Variants in TBC1D30 observed in about 807,000 individuals in gnomAD.
TBC1D30 encodes the protein TBC1 domain family member 30.
TBC1D30 carries 31 observed loss-of-function variants against 63.2 expected under a neutral mutation model. The observed-to-expected ratio is 0.49, with a 90% CI of 0.37 to 0.66. The LOEUF is 0.66. Among genes scored for constraint, TBC1D30 ranks in the 30% least tolerant of loss-of-function variants. TBC1D30 has a pLI of 0.00. For missense variants in TBC1D30, 810 were observed against 953.6 expected, an observed-to-expected ratio of 0.85 and a Z score of 1.98; for synonymous variants, 307 against 361.5, an observed-to-expected ratio of 0.85 and a Z score of 1.71.
chr12:64,780,975 G>C lies in TBC1D30; in HGVS notation c.167G>C (p.Arg56Pro), dbSNP rs566969663. Residue 56 changes from arginine to proline, a missense_variant, in exon 1 of 13, where the codon CGG (arginine) becomes CCG (proline). Physicochemically the swap from Arg to Pro is moderately radical, Grantham distance 103. Coordinates refer to the TBC1D30 transcript ENST00000542120. ...GCGGCGGAGCGGCCGCGGCGCTCCCGGGACACGTGGGACGGCGATGAGGAC... is the reference window on the plus strand; with the variant it reads ...GCGGCGGAGCGGCCGCGGCGCTCCCCGGACACGTGGGACGGCGATGAGGAC... 159 of 1,053,380 alleles carry C rather than the reference G, an allele frequency of 1.5e-4. No homozygotes were observed. In the African/African-American group the frequency reaches 2.5e-3, roughly 17 times the overall value. 65.3% of individuals were successfully genotyped at this position (1,053,380 alleles called of 1,614,324 possible).
rs910780213 is a variant in TBC1D30 at position 64,763,202 on chromosome 12, C to T, written c.-376+3553C>T. On this transcript the variant is annotated intron_variant, in intron 1 of 13. Coordinates refer to the TBC1D30 transcript ENST00000674237. The stretch of plus-strand genomic sequence containing the variant: ...AACTCCTGACTTCAGGTGATCTACC[C>T]GCCTCAGCCTCCCAAAGTGCTGGGA... Among the ~76,000 whole-genome samples, 10 of 152,130 alleles carry T rather than the reference C, an allele frequency of 6.6e-5. No individual in the cohort carries two copies. The East Asian group carries it at 7.7e-4, about 12-fold the overall frequency.
At chr12:64,785,987 AGTGCAGAGGAACTGTGATATT>A (rs1162460995) in exon 2 of TBC1D30, 1 of 1,289,710 alleles carries the variant, frequency 7.8e-7, no homozygotes, top group East Asian at 5.5e-5. Context: ...TTCTGCATAA[AGTGCAGAGGAACTGTGATATT>A]GTGACTGCCT....
chr12:64,866,145 G>GA (rs1353060813), intron 9 of TBC1D30, among the ~76,000 whole-genome samples: 1 of 152,148 alleles, frequency 6.6e-6, no homozygotes, highest in African/African-American at 2.4e-5. Flanking sequence ...GAGATTACAG[G>GA]TGTGAGCCAC....
intron 11 of TBC1D30, 79 bp downstream of exon 11, chr12:64,870,887 C>T (rs1372192118): frequency 7.3e-7 from 1 of 1,369,304 alleles, no homozygotes; most frequent in Non-Finnish European, 1.0e-6. Context: ...CTAGGAAGGC[C>T]TTGGAATTAC....
rs1231214869 is a variant in TBC1D30 at position 64,875,232 on chromosome 12, C to T, written c.1730C>T (p.Pro577Leu). The T allele has an allele frequency of 6.5e-7, 1 of 1,536,308 alleles. No individual in the cohort carries two copies. The highest frequency in any genetic ancestry group is 8.7e-7 in the Non-Finnish European group (1 of 1,146,916). ...ATCCGAGTCCACAAAAAGAACATGC[C>T]AAGGACCAAGAGTCATCCGGGCTGT... The part of the protein sequence containing the change: ...THIRVHKKNM[P>L]RTKSHPGCGD... The change falls in exon 12 of 12, where the codon CCA (proline) becomes CTA (leucine). Residue 577 changes from proline to leucine, a missense_variant. Pro to Leu is a moderately conservative substitution (Grantham distance 98, BLOSUM62 -3). Coordinates refer to ENST00000539867, the MANE Select transcript of TBC1D30 (RefSeq NM_015279.2).
chr12:64,813,322 G>A (rs1336728017), intron 2 of TBC1D30, among the ~76,000 whole-genome samples: 1 of 152,072 alleles, frequency 6.6e-6, no homozygotes, highest in African/African-American at 2.4e-5. Flanking sequence ...CCTGGGAGGT[G>A]GAGGTTGCAG....
intron 5 of TBC1D30, among the ~76,000 whole-genome samples, chr12:64,835,419 T>C (rs1025421738): frequency 6.6e-6 from 1 of 152,168 alleles, no homozygotes; most frequent in African/African-American, 2.4e-5. Context: ...TAGAGTTTTA[T>C]AGTATCCTGA....
intron 1 of TBC1D30, among the ~76,000 whole-genome samples, chr12:64,762,384 G>A (rs1279481260): frequency 6.6e-6 from 1 of 152,220 alleles, no homozygotes; most frequent in Non-Finnish European, 1.5e-5. Flanking sequence ...CCTTTAGACT[G>A]TGGCATGAAG....
In TBC1D30 at chr12:64,798,187, G is replaced by A. The variant is rs150551658; in HGVS notation, c.643+12142G>A. ...TACCTGCTGGGTGCTAACATGCAAA[G>A]AAGAAGAAAAATATACAGTATCCTC... On this transcript the variant is annotated intron_variant, in intron 2 of 12. Transcript: ENST00000542120. Among the ~76,000 whole-genome samples, 445 of 152,284 alleles carry A rather than the reference G, an allele frequency of 2.9e-3. 1 individual carries two copies. Among genetic ancestry groups the A allele is most frequent in the African/African-American group, 0.01 (426 of 41,560 alleles).
chr12:64,761,989 G>C (rs1320490730), intron 1 of TBC1D30, among the ~76,000 whole-genome samples: 1 of 152,166 alleles, frequency 6.6e-6, no homozygotes. Context: ...ATCTAATCTT[G>C]TATCTTGTAT....
At chr12:64,799,104 G>T (rs993228072) in intron 2 of TBC1D30, among the ~76,000 whole-genome samples, 1 of 151,940 alleles carries the variant, frequency 6.6e-6, no homozygotes, top group African/African-American at 2.4e-5. Context: ...TTTCTTAAGA[G>T]CAGGGATGGA....
intron 1 of TBC1D30, among the ~76,000 whole-genome samples, chr12:64,760,167 G>A (rs1374476673): frequency 6.6e-6 from 1 of 152,066 alleles, no homozygotes; most frequent in Non-Finnish European, 1.5e-5. Context: ...ATCTTGAAAC[G>A]TGGTCATCCA....
intron 1 of TBC1D30, among the ~76,000 whole-genome samples, chr12:64,760,966 A>G (rs1472785219): frequency 6.6e-6 from 1 of 152,162 alleles, no homozygotes; most frequent in African/African-American, 2.4e-5. Flanking sequence ...TATGAACCAC[A>G]AAAGGATCTT....
intron 4 of TBC1D30, among the ~76,000 whole-genome samples, chr12:64,831,546 A>G (rs978950627): frequency 2.0e-5 from 3 of 152,214 alleles, no homozygotes; most frequent in Non-Finnish European, 4.4e-5. Flanking sequence ...CCTGCTTAGT[A>G]ATTAAATTAT....
chr12:64,784,146 C>G (rs1486055903), intron 1 of TBC1D30, among the ~76,000 whole-genome samples: 1 of 151,706 alleles, frequency 6.6e-6, no homozygotes, highest in Non-Finnish European at 1.5e-5. Flanking sequence ...AGCCTTTGCC[C>G]TCTTCTTCAT....
intron 8 of TBC1D30, 46 bp downstream of exon 8, chr12:64,843,531 C>A: frequency 7.0e-7 from 1 of 1,435,668 alleles, no homozygotes; most frequent in Non-Finnish European, 9.5e-7. Flanking sequence ...ACCCCGGGCA[C>A]GGTGGGAACA....
intron 8 of TBC1D30, among the ~76,000 whole-genome samples, chr12:64,857,408 G>A (rs1877401434): frequency 6.6e-6 from 1 of 152,080 alleles, no homozygotes; most frequent in African/African-American, 2.4e-5. Context: ...TGGAATAGGG[G>A]CCTCATGACT....
At chr12:64,765,044 A>G (rs1038522452) in intron 1 of TBC1D30, among the ~76,000 whole-genome samples, 1 of 152,238 alleles carries the variant, frequency 6.6e-6, no homozygotes, top group African/African-American at 2.4e-5. Context: ...GCACCCACAG[A>G]AACAAAGCTT....
chr12:64,765,935 C>T (rs527623226), intron 1 of TBC1D30, among the ~76,000 whole-genome samples: 5 of 152,102 alleles, frequency 3.3e-5, no homozygotes, highest in African/African-American at 7.2e-5. Flanking sequence ...TCACTTGAGC[C>T]GGGGAGGTCC....
Sources: allele counts gnomAD v4.1 joint callset (sites outside exome capture counted in the v4.1 genomes callset), GRCh38; gene constraint gnomAD v4.1.1; transcripts MANE v1.5; gene names NCBI Gene and HGNC (gene_info 2026-07-23, HGNC 2026-07-21).